The following SOX6 variants were observed in gnomAD, a reference collection of about 807,000 sequenced individuals.
The protein encoded by SOX6 is SRY-box transcription factor 6, also known as transcription factor SOX-6.
Under a neutral mutation model 97.8 loss-of-function variants are expected in SOX6, and 11 were observed. The observed-to-expected ratio is 0.11, with a 90% CI of 0.07 to 0.19. The LOEUF is 0.19. Ranked by LOEUF, SOX6 falls within the 10% of genes least tolerant of loss-of-function variation. SOX6 has a pLI of 1.00. For missense variants in SOX6, 810 were observed against 1,039.5 expected, an observed-to-expected ratio of 0.78 and a Z score of 3.04; for synonymous variants, 360 against 371.4, an observed-to-expected ratio of 0.97 and a Z score of 0.35.
intron 3 of SOX6, among the ~76,000 whole-genome samples, chr11:16,302,970 A>C (rs1855311096): frequency 6.9e-6 from 1 of 145,864 alleles, no homozygotes; most frequent in Admixed American, 7.3e-5. Flanking sequence ...ATTATGAGCT[A>C]CTAAAAAACA....
chr11:16,327,613 C>T (rs1439071373), intron 2 of SOX6, among the ~76,000 whole-genome samples: 1 of 151,900 alleles, frequency 6.6e-6, no homozygotes, highest in Non-Finnish European at 1.5e-5. Flanking sequence ...CTACTGTGTC[C>T]AGGAGCAGCT....
intron 1 of SOX6, among the ~76,000 whole-genome samples, chr11:16,369,751 A>T (rs974668875): frequency 6.6e-6 from 1 of 152,120 alleles, no homozygotes; most frequent in Non-Finnish European, 1.5e-5. Context: ...TTGTCTCTTG[A>T]TTCCATATCA....
At chr11:16,497,213 G>C (rs187481340) in intron 4 of SOX6, among the ~76,000 whole-genome samples, 21 of 152,308 alleles carry the variant, frequency 1.4e-4, no homozygotes, top group African/African-American at 2.9e-4. Flanking sequence ...ACAGGGACTA[G>C]AGTGGACCTC....
chr11:16,246,817 G>A (rs1853349307), intron 3 of SOX6, among the ~76,000 whole-genome samples: 1 of 152,020 alleles, frequency 6.6e-6, no homozygotes, highest in South Asian at 2.1e-4. Context: ...ACAGGTACAT[G>A]TGATGTTTTG....
At chr11:16,187,110 A>G (rs1292580526) in intron 4 of SOX6, among the ~76,000 whole-genome samples, 155 bp from the exon 5 acceptor site, 1 of 152,138 alleles carries the variant, frequency 6.6e-6, no homozygotes. Flanking sequence ...ACCAGAGAGT[A>G]ATTACAGCAG....
At chr11:16,246,590 G>A (rs1309386372) in intron 3 of SOX6, among the ~76,000 whole-genome samples, 1 of 151,768 alleles carries the variant, frequency 6.6e-6, no homozygotes, top group Non-Finnish European at 1.5e-5. Flanking sequence ...TTTCTGATGT[G>A]AGGAATCATT....
chr11:15,976,218 T>C (rs1161553742), intron 15 of SOX6, among the ~76,000 whole-genome samples: 26 of 152,142 alleles, frequency 1.7e-4, no homozygotes, highest in Admixed American at 1.7e-3. Flanking sequence ...GATTTTTGCC[T>C]CTCCAAGCCT....
rs1442976175 is a variant in SOX6 at position 16,300,360 on chromosome 11, T to C, written c.445+18086A>G. Among the ~76,000 whole-genome samples, 1 of 152,220 alleles carries C rather than the reference T, an allele frequency of 6.6e-6. No individual in the cohort carries two copies. Among genetic ancestry groups the C allele is most frequent in the East Asian group, 1.9e-4 (1 of 5,200 alleles). ...GGTCTAATTAGTTGTCTTCCTAAAATGCATACCTAGCATTTTTATTATGTA... is the reference window on the plus strand; with the variant it reads ...GGTCTAATTAGTTGTCTTCCTAAAACGCATACCTAGCATTTTTATTATGTA... On this transcript the variant is annotated intron_variant, in intron 3 of 15. Transcript: ENST00000683767. This position sits in a 1 kb window ranked among gnomAD's most constrained non-coding sequence, Gnocchi z 4.1.
At chr11:16,037,218 G>A (rs1025372548) in intron 12 of SOX6, among the ~76,000 whole-genome samples, 5 of 152,056 alleles carry the variant, frequency 3.3e-5, no homozygotes, top group Admixed American at 3.3e-4. Flanking sequence ...AAAATGTTTA[G>A]TACAACAAGT....
At chr11:16,160,447 A>G (rs1850718622) in intron 6 of SOX6, among the ~76,000 whole-genome samples, 1 of 152,202 alleles carries the variant, frequency 6.6e-6, no homozygotes, top group Non-Finnish European at 1.5e-5. Flanking sequence ...GTGCATCCTT[A>G]GTGATGTGTC....
At chr11:16,068,551 G>A (rs1358172549) in intron 9 of SOX6, among the ~76,000 whole-genome samples, 9 of 152,082 alleles carry the variant, frequency 5.9e-5, no homozygotes. Context: ...CAGCATAGAA[G>A]GTACTTGTTC....
At chr11:16,382,093 G>GT (rs1405631364) in intron 1 of SOX6, among the ~76,000 whole-genome samples, 1 of 151,886 alleles carries the variant, frequency 6.6e-6, no homozygotes, top group Non-Finnish European at 1.5e-5. Context: ...AAAAAGCAAA[G>GT]TTTTTGCTTA....
intron 6 of SOX6, among the ~76,000 whole-genome samples, chr11:16,114,320 G>A (rs1214651235): frequency 1.3e-5 from 2 of 152,168 alleles, no homozygotes; most frequent in Non-Finnish European, 2.9e-5. Flanking sequence ...TTTCTTGACT[G>A]TGTAATCTTG....
intron 3 of SOX6, among the ~76,000 whole-genome samples, chr11:16,280,304 G>A (rs1854517676): frequency 6.6e-6 from 1 of 151,614 alleles, no homozygotes; most frequent in Non-Finnish European, 1.5e-5. Context: ...TTGTGAGAAG[G>A]GAATGACTCA....
At chr11:16,520,356 T>C (rs1362650522) in intron 4 of SOX6, among the ~76,000 whole-genome samples, 1 of 152,262 alleles carries the variant, frequency 6.6e-6, no homozygotes, top group Non-Finnish European at 1.5e-5. Context: ...CTTTAATCCA[T>C]TTTGAGTTAA....
chr11:16,402,863 C>A, intron 1 of SOX6: 1 of 1,537,896 alleles, frequency 6.5e-7, no homozygotes, highest in Non-Finnish European at 8.8e-7. Context: ...TCTCTCCTAA[C>A]AACTAAAACT....
intron 9 of SOX6, among the ~76,000 whole-genome samples, chr11:16,068,907 C>A (rs1182107362): frequency 1.3e-5 from 2 of 152,134 alleles, no homozygotes; most frequent in South Asian, 2.1e-4. Flanking sequence ...TTAGGGGAAA[C>A]CCTGAGGCTT....
intron 1 of SOX6, among the ~76,000 whole-genome samples, chr11:16,347,698 A>G (rs564231737): frequency 6.6e-6 from 1 of 152,274 alleles, no homozygotes; most frequent in African/African-American, 2.4e-5. Context: ...TATATTAATA[A>G]AAATCATAAA....
chr11:16,527,461 G>A (rs145402827), intron 4 of SOX6, among the ~76,000 whole-genome samples: 1 of 152,058 alleles, frequency 6.6e-6, no homozygotes, highest in African/African-American at 2.4e-5. Context: ...GTGCTGAAGA[G>A]GGAAGGAATC....
Sources: gnomAD v4.1 joint callset for allele counts (sites outside exome capture counted in the v4.1 genomes callset) on GRCh38, gnomAD v4.1.1 for gene constraint, Gnocchi (gnomAD v3.1) non-coding constraint, MANE v1.5 for transcripts, NCBI Gene and HGNC (gene_info 2026-07-23, HGNC 2026-07-21) for gene names.